The following POLA1 variants were observed in gnomAD, a reference collection of about 807,000 sequenced individuals.
POLA1 encodes the protein DNA polymerase alpha catalytic subunit.
POLA1 carries 15 observed loss-of-function variants against 124.0 expected under a neutral mutation model. The observed-to-expected ratio is 0.12, with a 90% CI of 0.08 to 0.19. The LOEUF is 0.19. POLA1 is among the 10% of genes least tolerant of loss of function. The probability of loss-of-function intolerance (pLI) is 1.00; values close to 1 mark genes in which losing one functional copy is unlikely to be tolerated. For missense variants in POLA1, 886 were observed against 1,103.4 expected (o/e 0.80, Z 2.79); for synonymous variants, 408 against 389.4 (o/e 1.05, Z -0.56).
intron 29 of POLA1, among the ~76,000 whole-genome samples, chrX:24,813,315 G>A (rs996556580): frequency 4.5e-5 from 5 of 111,261 alleles, no homozygotes; most frequent in African/African-American, 1.6e-4. Flanking sequence ...GGGCCATGGA[G>A]TGAGACTTTG....
chrX:24,931,211 T>G (rs1409398426), intron 36 of POLA1, among the ~76,000 whole-genome samples: 1 of 111,216 alleles, frequency 9.0e-6, no homozygotes, highest in Non-Finnish European at 1.9e-5. Flanking sequence ...GAAAATCACA[T>G]TGACAACTTT....
intron 26 of POLA1, among the ~76,000 whole-genome samples, chrX:24,789,757 T>C (rs1216695779): frequency 3.6e-5 from 4 of 112,219 alleles, no homozygotes; most frequent in Non-Finnish European, 7.5e-5. Flanking sequence ...ACAGCCTTTG[T>C]TTAAGGGTTA....
At chrX:24,752,471 A>G (rs1932368811) in intron 26 of POLA1, among the ~76,000 whole-genome samples, 3 of 112,049 alleles carry the variant, frequency 2.7e-5, no homozygotes, top group Admixed American at 9.4e-5. Flanking sequence ...TTTGTTCTCA[A>G]TGTGTGTGTA....
intron 34 of POLA1, among the ~76,000 whole-genome samples, chrX:24,849,241 A>G (rs912525890): frequency 4.4e-5 from 5 of 112,997 alleles, no homozygotes; most frequent in African/African-American, 1.3e-4. Context: ...CACCCATTCA[A>G]CATCACAGGC....
chrX:24,744,908 C>T (rs1269831863), intron 23 of POLA1, among the ~76,000 whole-genome samples: 3 of 101,175 alleles, frequency 3.0e-5, no homozygotes, highest in East Asian at 6.2e-4. Context: ...GCTGAGATTG[C>T]GCCATGGCAC....
Position 24,743,260 on chromosome X carries a change from A to G in POLA1, c.2497A>G (p.Thr833Ala). The stretch of plus-strand genomic sequence containing the variant: ...TGAAGATGAAGAAATTGATGGAGAT[A>G]CCAATAAATACAAGAAAGGACGTAA... ...GDEDEEIDGD[T>A]NKYKKGRKKA... Residue 833 changes from threonine to alanine, a missense_variant, in exon 23 of 37, where the codon ACC becomes GCC. Around this residue, in one of 7 missense-constraint regions of POLA1, gnomAD observed 182 missense variants for 252.8 expected, o/e 0.72. Coordinates refer to ENST00000379068, the MANE Select transcript of POLA1 (RefSeq NM_001330360.2). 1 of 1,149,405 alleles carries G rather than the reference A, an allele frequency of 8.7e-7. No individual in the cohort carries two copies. The highest frequency in any genetic ancestry group is 2.4e-4 in the Middle Eastern group (1 of 4,202). The allele number at this position is 1,149,405 out of a possible 1,213,427, so 94.7% of individuals were successfully genotyped here.
At chrX:24,779,215 A>AT (rs2045209167) in intron 26 of POLA1, among the ~76,000 whole-genome samples, 1 of 110,535 alleles carries the variant, frequency 9.0e-6, no homozygotes, top group Non-Finnish European at 1.9e-5. Context: ...AGTATTTAGG[A>AT]TTACAGGTGC....
At chrX:24,791,064 C>T (rs774156562) in intron 26 of POLA1, among the ~76,000 whole-genome samples, 17 of 109,685 alleles carry the variant, frequency 1.5e-4, no homozygotes, top group South Asian at 8.0e-4. Flanking sequence ...GTGGCATAAT[C>T]GTTTATTGAG....
At chrX:24,776,602 A>G (rs1313451731) in intron 26 of POLA1, among the ~76,000 whole-genome samples, 3 of 112,158 alleles carry the variant, frequency 2.7e-5, no homozygotes, top group Non-Finnish European at 3.8e-5. Flanking sequence ...CTGTCAAAAC[A>G]ACTTCCCTAG....
At chrX:24,824,244 A>G (rs1436321897) in intron 31 of POLA1, among the ~76,000 whole-genome samples, 1 of 110,644 alleles carries the variant, frequency 9.0e-6, no homozygotes, top group East Asian at 2.8e-4. Context: ...TCTTGCACAT[A>G]CCATGGGGCC....
chrX:24,888,211 AAG>A, intron 35 of POLA1, 89 bp downstream of exon 35: 1 of 548,662 alleles, frequency 1.8e-6, no homozygotes, highest in Non-Finnish European at 3.2e-6. Flanking sequence ...TTGCCCTATG[AAG>A]ATGCCCTACT....
At chrX:24,762,831 G>A (rs1932821272) in intron 26 of POLA1, among the ~76,000 whole-genome samples, 1 of 110,334 alleles carries the variant, frequency 9.1e-6, no homozygotes, top group Non-Finnish European at 1.9e-5. Context: ...TCTGCCTCCC[G>A]GGTTCAAGTG....
chrX:24,962,022 T>G (rs778726958), intron 36 of POLA1, among the ~76,000 whole-genome samples: 27 of 112,161 alleles, frequency 2.4e-4, no homozygotes, highest in African/African-American at 8.7e-4. Context: ...GTGTCAGGCA[T>G]TCTGCTATTT....
chrX:24,822,568 T>C (rs7060151), intron 31 of POLA1, among the ~76,000 whole-genome samples: 6,944 of 112,054 alleles, frequency 0.062, 524 homozygotes, highest in African/African-American at 0.21. Context: ...TGGATGTACA[T>C]AACAAATGAT....
At chrX:24,751,213 G>A (rs190921905) in intron 26 of POLA1, among the ~76,000 whole-genome samples, 11 of 111,170 alleles carry the variant, frequency 9.9e-5, no homozygotes, top group African/African-American at 3.6e-4. Flanking sequence ...TTCCACATTG[G>A]CTCAGAAATC....
chrX:24,953,234 G>A (rs994163808), intron 36 of POLA1, among the ~76,000 whole-genome samples: 15 of 111,834 alleles, frequency 1.3e-4, no homozygotes, highest in Admixed American at 5.7e-4. Context: ...AAAAGAAATC[G>A]TTAAACATCT....
chrX:24,717,014 T>G, intron 8 of POLA1, 43 bp downstream of exon 8: 1 of 928,833 alleles, frequency 1.1e-6, no homozygotes, highest in East Asian at 3.1e-5. Flanking sequence ...GTTGAGTGGT[T>G]TCTGTCAAAA....
chrX:24,782,788 C>A (rs1602380168), intron 26 of POLA1, among the ~76,000 whole-genome samples: 1 of 111,071 alleles, frequency 9.0e-6, no homozygotes, highest in Non-Finnish European at 1.9e-5. Context: ...TTAAATCAGT[C>A]CCCACTTCTA....
rs1358361386 is a variant in POLA1 at position 24,815,171 on chromosome X, A to G, written c.3429+60A>G. ...GTCATGTGTTTTTCACCTCCTTCAG[A>G]TAGTTGAAGAACCACCTCATCCTTG... On this transcript the variant is annotated intron_variant, in intron 30 of 36. Transcript: ENST00000379068. The G allele has an allele frequency of 3.9e-6, 4 of 1,017,830 alleles. No homozygotes were observed. The East Asian group carries it at 1.3e-4, about 32-fold the overall frequency. 83.9% of individuals were successfully genotyped at this position (1,017,830 alleles called of 1,213,427 possible). A position where few individuals can be genotyped will look rare whatever the true frequency, so the allele number is the denominator to read the frequency against.
Sources: gnomAD v4.1 joint callset for allele counts (sites outside exome capture counted in the v4.1 genomes callset) on GRCh38, gnomAD v4.1.1 for gene constraint, gnomAD v4.1.1 regional missense constraint, MANE v1.5 for transcripts, NCBI Gene and HGNC (gene_info 2026-07-23, HGNC 2026-07-21) for gene names.